Variants in MDGA2 observed in about 807,000 individuals in gnomAD.
MDGA2 encodes MAM domain containing glycosylphosphatidylinositol anchor 2.
MDGA2 carries 40 observed loss-of-function variants against 117.8 expected under a neutral mutation model. The ratio of observed to expected loss-of-function variants is 0.34; its 90% CI spans 0.26 to 0.44. MDGA2 has a LOEUF of 0.44. MDGA2 is among the 20% of genes least tolerant of loss of function. The pLI is 1.00. For synonymous variants in MDGA2, 452 were observed against 439.0 expected (o/e 1.03, Z -0.37); for missense variants, 1,123 against 1,250.6 (o/e 0.90, Z 1.54).
At chr14:47,267,743 T>C (rs570150938) in intron 2 of MDGA2, among the ~76,000 whole-genome samples, 1 of 152,306 alleles carries the variant, frequency 6.6e-6, no homozygotes, top group Admixed American at 6.5e-5. Context: ...TTTTGTCCAC[T>C]GTTTGCTTTG....
intron 14 of MDGA2, among the ~76,000 whole-genome samples, chr14:46,856,502 T>C (rs1327646406): frequency 2.6e-5 from 4 of 152,110 alleles, no homozygotes; most frequent in African/African-American, 9.6e-5. Flanking sequence ...ATCAGGCTTC[T>C]ATCACTAATC....
rs962707161 is a variant in MDGA2 at position 47,275,462 on chromosome 14, T to G, written c.420+25949A>C. Among the ~76,000 whole-genome samples the G allele has an allele frequency of 5.3e-5, 8 of 152,122 alleles. No individual in the cohort carries two copies. The East Asian group carries it at 1.5e-3, about 29-fold the overall frequency. On this transcript the variant is annotated intron_variant, in intron 2 of 16. Transcript: ENST00000399232. ...TATAAACATTTAAAAAATATTTATA[T>G]TTCTTTAAATAATTAAAATAACAAT...
intron 1 of MDGA2, among the ~76,000 whole-genome samples, chr14:47,489,877 C>G (rs1352570765): frequency 6.6e-6 from 1 of 152,016 alleles, no homozygotes; most frequent in Non-Finnish European, 1.5e-5. Flanking sequence ...CATCAGCATT[C>G]CTTTGCATAC....
chr14:47,672,399 T>TTGCA (rs1898090946), intron 1 of MDGA2, among the ~76,000 whole-genome samples: 1 of 152,228 alleles, frequency 6.6e-6, no homozygotes. Context: ...AAACACAGGA[T>TTGCA]TATTTTAATG....
intron 1 of MDGA2, among the ~76,000 whole-genome samples, chr14:47,320,524 T>C (rs1034870175): frequency 4.6e-5 from 7 of 152,144 alleles, no homozygotes; most frequent in African/African-American, 1.4e-4. Context: ...CCTTCCTTCA[T>C]GCTCCCTTCC....
At chr14:47,305,249 G>T (rs190680653) in intron 1 of MDGA2, 1 of 152,230 alleles carries the variant, frequency 6.6e-6, no homozygotes, top group East Asian at 1.9e-4. Context: ...AGACATCTCT[G>T]ATCCTCTGCC....
At chr14:46,949,740 A>G (rs933477821) in intron 9 of MDGA2, among the ~76,000 whole-genome samples, 1 of 151,906 alleles carries the variant, frequency 6.6e-6, no homozygotes, top group Non-Finnish European at 1.5e-5. Flanking sequence ...ACATTTTTTA[A>G]TTAAGTCACC....
At chr14:47,561,150 TTTGTTTTG>T (rs1304485408) in intron 1 of MDGA2, among the ~76,000 whole-genome samples, 4 of 43,242 alleles carry the variant, frequency 9.3e-5, no homozygotes, top group African/African-American at 2.4e-4. Context: ...TGTTTTTTTT[TTTGTTTTG>T]TTTTGTTTTT....
At chr14:47,363,345 C>G (rs1046354047) in intron 1 of MDGA2, among the ~76,000 whole-genome samples, 5 of 152,120 alleles carry the variant, frequency 3.3e-5, no homozygotes. Flanking sequence ...GCAACCTCTG[C>G]CTCCCGGGTT....
chr14:46,972,205 TG>T (rs1197139035), intron 8 of MDGA2, among the ~76,000 whole-genome samples: 1 of 152,096 alleles, frequency 6.6e-6, no homozygotes, highest in African/African-American at 2.4e-5. Context: ...ATATTTACTG[TG>T]AGAATTAAAC....
intron 1 of MDGA2, among the ~76,000 whole-genome samples, chr14:47,477,045 C>T (rs1893858160): frequency 6.6e-6 from 1 of 152,136 alleles, no homozygotes; most frequent in South Asian, 2.1e-4. Flanking sequence ...GCCTGTAATC[C>T]CAGCTACTGG....
intron 8 of MDGA2, among the ~76,000 whole-genome samples, chr14:46,979,398 G>A (rs1293789534): frequency 1.3e-5 from 2 of 152,082 alleles, no homozygotes; most frequent in African/African-American, 4.8e-5. Flanking sequence ...GAAAGGAAGA[G>A]TTACACATCT....
chr14:46,903,567 CCTCTT>C (rs1348282789), intron 10 of MDGA2, among the ~76,000 whole-genome samples: 5 of 152,028 alleles, frequency 3.3e-5, no homozygotes, highest in Admixed American at 3.3e-4. Context: ...AAGCATTTCC[CCTCTT>C]CATCTTTACT....
At chr14:47,296,916 A>G (rs1889093863) in intron 2 of MDGA2, among the ~76,000 whole-genome samples, 1 of 152,256 alleles carries the variant, frequency 6.6e-6, no homozygotes, top group African/African-American at 2.4e-5. Context: ...AGCCTGAGTG[A>G]AGACAATGAT....
At chr14:47,627,400 C>T (rs146761567) in intron 1 of MDGA2, among the ~76,000 whole-genome samples, 5 of 137,290 alleles carry the variant, frequency 3.6e-5, no homozygotes, top group Admixed American at 7.2e-5. Flanking sequence ...CCTTTATGTC[C>T]AGCTAAGGGA....
chr14:47,338,391 A>G (rs77839669), intron 1 of MDGA2, among the ~76,000 whole-genome samples: 2,307 of 151,968 alleles, frequency 0.015, 61 homozygotes, highest in East Asian at 0.14. Context: ...GATAGACTAC[A>G]TATCTTGCTA....
intron 5 of MDGA2, among the ~76,000 whole-genome samples, chr14:47,129,216 G>C (rs1398412062): frequency 6.6e-6 from 1 of 151,712 alleles, no homozygotes; most frequent in Non-Finnish European, 1.5e-5. Flanking sequence ...TCTAGCATTA[G>C]GTATATCTCC....
At chr14:47,383,283 C>T (rs754049019) in intron 1 of MDGA2, among the ~76,000 whole-genome samples, 1 of 151,616 alleles carries the variant, frequency 6.6e-6, no homozygotes, top group African/African-American at 2.4e-5. Flanking sequence ...CAACATGGCA[C>T]ATGTATACAT....
intron 9 of MDGA2, among the ~76,000 whole-genome samples, chr14:46,934,972 C>A (rs1373719352): frequency 6.6e-6 from 1 of 151,874 alleles, no homozygotes; most frequent in East Asian, 1.9e-4. Flanking sequence ...ACATAATACT[C>A]TCCAAACTAC....
Sources: allele counts gnomAD v4.1 joint callset (sites outside exome capture counted in the v4.1 genomes callset), GRCh38; gene constraint gnomAD v4.1.1; transcripts MANE v1.5; gene names NCBI Gene and HGNC (gene_info 2026-07-23, HGNC 2026-07-21).